RNF149: variants seen among roughly 807,000 people sequenced by gnomAD.
RNF149 encodes the protein E3 ubiquitin-protein ligase RNF149.
Under a neutral mutation model 39.0 loss-of-function variants are expected in RNF149, and 21 were observed. The ratio of observed to expected loss-of-function variants is 0.54; its 90% confidence interval spans 0.38 to 0.77. RNF149 has a LOEUF of 0.77. RNF149 is among the 30% of genes least tolerant of loss of function. The probability of loss-of-function intolerance (pLI) is 0.00; values close to 1 mark genes in which losing one functional copy is unlikely to be tolerated. For missense variants in RNF149, 493 were observed against 534.9 expected, an observed-to-expected ratio of 0.92 and a Z score of 0.77; for synonymous variants, 209 against 213.6, an observed-to-expected ratio of 0.98 and a Z score of 0.19.
chr2:101,273,237 G>A, downstream of RNF149: 2 of 776,234 alleles, frequency 2.6e-6, no homozygotes, highest in Non-Finnish European at 3.9e-6. Flanking sequence ...CAGCAGGCAG[G>A]GGGCTGCGGA....
chr2:101,303,281 ATTT>A (rs57224969), intron 1 of RNF149, among the ~76,000 whole-genome samples: 115 of 135,158 alleles, frequency 8.5e-4, no homozygotes, highest in Non-Finnish European at 1.1e-3. Flanking sequence ...ACGTTGGCTC[ATTT>A]TTTTTTTTTT....
chr2:101,272,810 G>A (rs1054399976), downstream of RNF149: 2 of 488,770 alleles, frequency 4.1e-6, no homozygotes, highest in East Asian at 1.4e-4. Context: ...GTTACATTGG[G>A]TATTTCATCC....
intron 1 of RNF149, among the ~76,000 whole-genome samples, chr2:101,303,241 G>A (rs1298089531): frequency 1.3e-5 from 2 of 150,798 alleles, no homozygotes; most frequent in African/African-American, 2.4e-5. Flanking sequence ...TCAGCCTCCC[G>A]AGTAGCTGAG....
At position 101,285,014 on chromosome 2, in the gene RNF149, T is replaced by A. The variant is rs575278358; in HGVS notation, c.960+1067A>T. 4.6e-5 allele frequency among the ~76,000 whole-genome samples: 7 copies of A among 152,178 alleles called. No homozygotes were observed. In the South Asian group the frequency reaches 1.5e-3, roughly 32 times the overall value. On this transcript the variant is annotated intron_variant, in intron 5 of 6. Coordinates refer to ENST00000295317, the MANE Select transcript of RNF149 (RefSeq NM_173647.4). ...GACTCATGCGATCCTCCTGCCTCAG[T>A]CTCTTGAGTAAATGGGACTACAGGA...
At position 101,277,283 on chromosome 2, in the gene RNF149, T is replaced by C. The variant is rs1682381300; in HGVS notation, c.1160-2A>G. ...GCCGAGAGTCACTCCTGCCGGCTTC[T>C]GCAAGAGAGCAACATAAGCTACTCC... On this transcript the variant is annotated splice_acceptor_variant, in intron 6 of 6. Coordinates refer to ENST00000295317, the MANE Select transcript of RNF149 (RefSeq NM_173647.4). LOFTEE classifies it high-confidence loss of function. 1 of 1,612,552 alleles carries C rather than the reference T, an allele frequency of 6.2e-7. No individual in the cohort carries two copies. Among genetic ancestry groups the C allele is most frequent in the African/African-American group, 1.3e-5 (1 of 74,990 alleles).
In RNF149 at chr2:101,294,676, G is replaced by C. The variant is rs6755716; in HGVS notation, c.711+255C>G. On this transcript the variant is annotated intron_variant, in intron 2 of 6. Coordinates refer to ENST00000295317, the MANE Select transcript of RNF149 (RefSeq NM_173647.4). ...TTCCATTCATCACTCCTTTGGGTCT[G>C]GCAAGGGACTAAGAGGGTTCCTGCA... The C allele has an allele frequency of 1.5e-3, 583 of 388,308 alleles. 7 individuals carry two copies. Among genetic ancestry groups the C allele is most frequent in the African/African-American group, 0.012 (555 of 48,106 alleles). 24.1% of individuals were successfully genotyped at this position (388,308 alleles called of 1,614,324 possible).
intron 1 of RNF149, among the ~76,000 whole-genome samples, chr2:101,298,999 T>C (rs1033383669): frequency 5.3e-5 from 8 of 151,978 alleles, no homozygotes; most frequent in African/African-American, 1.9e-4. Flanking sequence ...ATATTACACA[T>C]GCAAAAAATT....
chr2:101,286,924 A>T (rs1682815954), intron 4 of RNF149, among the ~76,000 whole-genome samples: 2 of 152,256 alleles, frequency 1.3e-5, no homozygotes, highest in Non-Finnish European at 2.9e-5. Flanking sequence ...TGCAATGTGC[A>T]TACAACTGTG....
At chr2:101,291,171 A>T (rs1376130884) in intron 3 of RNF149, among the ~76,000 whole-genome samples, 2 of 151,066 alleles carry the variant, frequency 1.3e-5, no homozygotes, top group Non-Finnish European at 2.9e-5. Context: ...TTTTTTTTTG[A>T]GACGGAGTCT....
intron 4 of RNF149, chr2:101,288,706 T>G (rs986360652): frequency 5.2e-5 from 17 of 323,872 alleles, no homozygotes; most frequent in African/African-American, 3.3e-4. Context: ...TTCCTAGGAT[T>G]CTGATAAAGC....
rs1682330456 is a variant in RNF149 at position 101,275,885 on chromosome 2, C to T, written c.*1353G>A. The T allele has an allele frequency of 1.0e-6, 1 of 985,170 alleles. No individual in the cohort carries two copies. Among genetic ancestry groups the T allele is most frequent in the Non-Finnish European group, 1.2e-6 (1 of 829,858 alleles). The allele number at this position is 985,170 out of a possible 1,614,324, so 61.0% of individuals were successfully genotyped here. ...ACCTACTTGAGGTTGTCTGCTAAAACCAACTCAGTGTGCAAAGCGAAATAC... is the reference window on the plus strand; with the variant it reads ...ACCTACTTGAGGTTGTCTGCTAAAATCAACTCAGTGTGCAAAGCGAAATAC... On this transcript the variant is annotated 3_prime_UTR_variant, in exon 7 of 7. Coordinates refer to ENST00000295317, the MANE Select transcript of RNF149 (RefSeq NM_173647.4).
intron 5 of RNF149, among the ~76,000 whole-genome samples, chr2:101,282,823 C>T (rs947585898): frequency 1.3e-5 from 2 of 151,934 alleles, no homozygotes; most frequent in African/African-American, 4.8e-5. Context: ...CACGGGCACC[C>T]CTCCTCCCTC....
At chr2:101,295,228 T>C (rs1170609574) in intron 1 of RNF149, 47 bp from the exon 2 acceptor site, 2 of 1,501,364 alleles carry the variant, frequency 1.3e-6, no homozygotes, top group South Asian at 2.3e-5. Flanking sequence ...CAAAATAAGA[T>C]ACAGAGAACA....
Position 101,277,050 on chromosome 2 carries a change from T to G in RNF149, c.*188A>C. ...CACTCTATTTTAGTAGATAAATATA[T>G]GAGGACTAATCGAAAAGTCTCTTCA... On this transcript the variant is annotated 3_prime_UTR_variant, in exon 7 of 7. Transcript: ENST00000295317. 1 of 1,360,444 alleles carries G rather than the reference T, an allele frequency of 7.4e-7. No homozygotes were observed. Among genetic ancestry groups the G allele is most frequent in the Non-Finnish European group, 9.6e-7 (1 of 1,045,130 alleles). The allele number at this position is 1,360,444 out of a possible 1,614,324, so 84.3% of individuals were successfully genotyped here.
Position 101,295,190 on chromosome 2 carries a change from A to AC in RNF149, c.461-10_461-9insG. 1 of 1,607,432 alleles carries AC rather than the reference A, an allele frequency of 6.2e-7. No individual in the cohort carries two copies. Among genetic ancestry groups the AC allele is most frequent in the Non-Finnish European group, 8.5e-7 (1 of 1,174,678 alleles). On this transcript the variant is annotated splice_polypyrimidine_tract_variant and intron_variant, in intron 1 of 6. Transcript: ENST00000295317. ...CACTATATTTCCTGTTCCTGTAGGAAAGAACAAAGAAATCAATGTGAAGAA... is the reference window on the plus strand; with the variant it reads ...CACTATATTTCCTGTTCCTGTAGGAACAGAACAAAGAAATCAATGTGAAGAA...
rs1573216642 is a variant in RNF149, at chr2:101,277,345, G to A, written c.1160-64C>T. 6.5e-6 allele frequency: 10 copies of A among 1,546,576 alleles called. No homozygotes were observed. The East Asian group carries it at 2.3e-4, about 35-fold the overall frequency. ...GCAGCATATTCCGAGCTTCAACTAT[G>A]CAAACACACTTACTCACTTGGAGAT... On this transcript the variant is annotated intron_variant, in intron 6 of 6. Coordinates refer to ENST00000295317, the MANE Select transcript of RNF149 (RefSeq NM_173647.4).
Position 101,295,088 on chromosome 2 carries a change from A to G in RNF149, c.554T>C (p.Ile185Thr), listed in dbSNP as rs1315026049. Reference protein sequence around the residue: ...VQKGIPVTMTIGVGTRHVQEF... With the variant: ...VQKGIPVTMTTGVGTRHVQEF... The stretch of plus-strand genomic sequence containing the variant: ...CTGTACATGCCGGGTGCCAACCCCT[A>G]TGGTCATCGTTACTGGAATTCCTTT... Residue 185 changes from isoleucine to threonine, a missense_variant, in exon 2 of 7, where the codon ATA (isoleucine) becomes ACA (threonine). Ile to Thr is a moderately conservative substitution (Grantham distance 89). Coordinates refer to ENST00000295317, the MANE Select transcript of RNF149 (RefSeq NM_173647.4). The G allele has an allele frequency of 6.2e-7, 1 of 1,614,074 alleles. No homozygotes were observed. Among genetic ancestry groups the G allele is most frequent in the Non-Finnish European group, 8.5e-7 (1 of 1,180,024 alleles).
intron 6 of RNF149, among the ~76,000 whole-genome samples, chr2:101,279,227 T>C (rs1682480879): frequency 6.6e-6 from 1 of 152,220 alleles, no homozygotes; most frequent in Non-Finnish European, 1.5e-5. Flanking sequence ...CTTCAGAATG[T>C]ATCTGACATT....
intron 5 of RNF149, among the ~76,000 whole-genome samples, chr2:101,282,833 C>T (rs1674736181): frequency 6.6e-6 from 1 of 151,990 alleles, no homozygotes; most frequent in African/African-American, 2.4e-5. Context: ...CCTCCTCCCT[C>T]CACTGGGCTG....
Sources: gnomAD v4.1 joint callset for allele counts (sites outside exome capture counted in the v4.1 genomes callset) on GRCh38, gnomAD v4.1.1 for gene constraint, MANE v1.5 for transcripts, NCBI Gene and HGNC (gene_info 2026-07-23, HGNC 2026-07-21) for gene names.